PSMD2: variants seen among roughly 807,000 people sequenced by gnomAD.
PSMD2 encodes the protein proteasome 26S subunit ubiquitin receptor, non-ATPase 2.
PSMD2 carries 8 observed loss-of-function variants against 101.5 expected under a neutral mutation model. The observed-to-expected ratio is 0.08, with a 90% confidence interval of 0.05 to 0.14. The LOEUF is 0.14. PSMD2 is among the 10% of genes least tolerant of loss of function. The pLI is 1.00. For synonymous variants in PSMD2, 418 were observed against 433.8 expected (o/e 0.96, Z 0.45); for missense variants, 784 against 1,147.4 (o/e 0.68, Z 4.58).
rs1318234873 is a variant in PSMD2 at position 184,306,852 on chromosome 3, A to C, written c.2034+18A>C. On this transcript the variant is annotated intron_variant, in intron 16 of 20. Coordinates refer to ENST00000310118, the MANE Select transcript of PSMD2 (RefSeq NM_002808.5). ...GCCACTTGGTGAGTATAGCATGAAG[A>C]AAATTGGAATATACTGGTTTTGATG... 21 of 1,604,366 alleles carry C rather than the reference A, an allele frequency of 1.3e-5. No homozygotes were observed. Among genetic ancestry groups the C allele is most frequent in the Non-Finnish European group, 1.8e-5 (21 of 1,173,842 alleles).
In PSMD2 at chr3:184,301,940, C is replaced by G; in HGVS notation, c.573C>G (p.Ile191Met). 1 of 1,614,194 alleles carries G rather than the reference C, an allele frequency of 6.2e-7. No individual in the cohort carries two copies. Among genetic ancestry groups the G allele is most frequent in the Middle Eastern group, 1.6e-4 (1 of 6,062 alleles). ...CTCTGCTCACTCTGGTGAAGGAAAT[C>G]GTCCCCTATAACATGGCCCACAATG... ...REPLLTLVKE[I>M]VPYNMAHNAE... The change falls in exon 5 of 21, where the codon ATC (isoleucine) becomes ATG (methionine). Residue 191 changes from isoleucine to methionine, a missense_variant. Around this residue, in one of 6 missense-constraint regions of PSMD2, gnomAD observed 208 missense variants for 301.6 expected, o/e 0.69. Transcript: ENST00000310118.
rs145636508 is a variant in PSMD2, at chr3:184,302,046, G to A, written c.679G>A (p.Ala227Thr). ...GAAGGACATTGATGAAAATGCATATGCAAAGGTCTGCCTTTATCTCACCAG... is the reference window on the plus strand; with the variant it reads ...GAAGGACATTGATGAAAATGCATATACAAAGGTCTGCCTTTATCTCACCAG... The part of the protein sequence containing the change: ...LEKDIDENAY[A>T]KVCLYLTSCV... Residue 227 changes from alanine (A) to threonine (T), a missense_variant, in exon 5 of 21, where the codon GCA (alanine) becomes ACA (threonine). Ala to Thr is a moderately conservative substitution (Grantham distance 58). Around this residue, in one of 6 missense-constraint regions of PSMD2, gnomAD observed 208 missense variants for 301.6 expected, o/e 0.69. Transcript: ENST00000310118. The A allele has an allele frequency of 7.2e-5, 117 of 1,614,160 alleles. No homozygotes were observed. The East Asian group carries it at 2.3e-3, about 32-fold the overall frequency.
In PSMD2 at chr3:184,308,004, G is replaced by A; in HGVS notation, c.2413G>A (p.Asp805Asn). The A allele has an allele frequency of 6.2e-7, 1 of 1,613,980 alleles. No individual in the cohort carries two copies. The highest frequency in any genetic ancestry group is 8.5e-7 in the Non-Finnish European group (1 of 1,180,024). Reference sequence around the variant, plus strand: ...GCTCACTGTGCTTGTCTCTTTCCTGGATGTTCGAAACAGTGAGTTCCTGTC... The same window carrying A: ...GCTCACTGTGCTTGTCTCTTTCCTGAATGTTCGAAACAGTGAGTTCCTGTC... ...GLLTVLVSFL[D>N]VRNIILGKSH... Residue 805 changes from aspartate to asparagine, a missense_variant, in exon 19 of 21, where the codon GAT (aspartate) becomes AAT (asparagine). Asp to Asn is a conservative substitution (Grantham distance 23). Around this residue, in one of 6 missense-constraint regions of PSMD2, gnomAD observed 282 missense variants for 437.6 expected, o/e 0.64. Coordinates refer to ENST00000310118, the MANE Select transcript of PSMD2 (RefSeq NM_002808.5). The surrounding 1 kb of genome is among the most constrained non-coding windows in gnomAD (Gnocchi z 6.0).
intron 1 of PSMD2, 80 bp downstream of exon 1, chr3:184,299,481 C>G (rs1008905999): frequency 7.7e-7 from 1 of 1,303,786 alleles, no homozygotes; most frequent in Admixed American, 3.8e-5. Flanking sequence ...GGCCCGACAC[C>G]CAACTACCCC....
Position 184,305,804 on chromosome 3 carries a change from G to C in PSMD2, c.1576G>C (p.Ala526Pro). The change falls in exon 13 of 21, where the codon GCA becomes CCA. Residue 526 changes from alanine (A) to proline (P), a missense_variant. Coordinates refer to ENST00000310118, the MANE Select transcript of PSMD2 (RefSeq NM_002808.5). ...CACAGCTTTAGCCTGTGGAATGATA[G>C]CAGTAGGGTCCTGCAATGGAGATGT... ...GVTALACGMIAVGSCNGDVTS... is the reference protein window; with the variant it reads ...GVTALACGMIPVGSCNGDVTS... The C allele has an allele frequency of 6.2e-7, 1 of 1,614,134 alleles. No individual in the cohort carries two copies. Among genetic ancestry groups the C allele is most frequent in the Non-Finnish European group, 8.5e-7 (1 of 1,180,042 alleles).
Position 184,308,631 on chromosome 3 carries a change from T to G in PSMD2, c.2544+64T>G. ...CTCAAACTGGAGAATGTACATATACTTGCTTTGCTGAAACTGGCGTGGGCG... is the reference window on the plus strand; with the variant it reads ...CTCAAACTGGAGAATGTACATATACGTGCTTTGCTGAAACTGGCGTGGGCG... On this transcript the variant is annotated intron_variant, in intron 20 of 20. Coordinates refer to ENST00000310118, the MANE Select transcript of PSMD2 (RefSeq NM_002808.5). This position sits in a 1 kb window ranked among gnomAD's most constrained non-coding sequence, Gnocchi z 6.0. 1 of 1,586,590 alleles carries G rather than the reference T, an allele frequency of 6.3e-7. No homozygotes were observed. The highest frequency in any genetic ancestry group is 2.2e-5 in the East Asian group (1 of 44,554).
rs1016995532 is a variant in PSMD2 at position 184,302,172 on chromosome 3, G to A, written c.704+101G>A. On this transcript the variant is annotated intron_variant, in intron 5 of 20. Transcript: ENST00000310118. ...TTCCCAGAGCATTTGCTCAAGCATA[G>A]CATCACGCTGTAGTTAATCTTTTGA... 3.0e-6 allele frequency: 4 copies of A among 1,319,736 alleles called. No homozygotes were observed. The African/African-American group carries it at 5.8e-5, about 19-fold the overall frequency. The allele number at this position is 1,319,736 out of a possible 1,614,324, so 81.8% of individuals were successfully genotyped here.
chr3:184,302,745 T>C lies in PSMD2; in HGVS notation c.930T>C (p.Asp310=), dbSNP rs114948574. The C allele has an allele frequency of 2.5e-6, 4 of 1,614,130 alleles. No homozygotes were observed. The highest frequency in any genetic ancestry group is 1.3e-5 in the African/African-American group (1 of 75,032). The stretch of plus-strand genomic sequence containing the variant: ...GGGTGTTCCTGGAGCTGAGTGAAGA[T>C]GTCGAGGAGTATGAGGACCTGACAG... The part of the protein sequence containing the change: ...RHGVFLELSE[D]VEEYEDLTEI... The change falls in exon 7 of 21, where the codon GAT becomes GAC. Residue 310 remains aspartate (D), a synonymous_variant. Transcript: ENST00000310118.
intron 12 of PSMD2, among the ~76,000 whole-genome samples, chr3:184,305,208 G>A (rs1210236678): frequency 6.6e-6 from 1 of 152,074 alleles, no homozygotes; most frequent in African/African-American, 2.4e-5. Context: ...CCATAAAAGG[G>A]GATAACAGCC....
rs201882149 is a variant in PSMD2, at chr3:184,302,489, T to C, written c.824T>C (p.Met275Thr). Residue 275 changes from methionine (M) to threonine (T), a missense_variant, in exon 6 of 21, where the codon ATG (methionine) becomes ACG (threonine). This residue lies in a region of PSMD2 where 208 missense variants were observed against 301.6 expected (regional missense o/e 0.69). Coordinates refer to ENST00000310118, the MANE Select transcript of PSMD2 (RefSeq NM_002808.5). ...ALRLALMLND[M>T]ELVEDIFTSC... is the part of the protein sequence containing the mutation. ...AGATTGGCATTGATGCTCAATGACA[T>C]GGAGTTGGTAGAAGACATCTTCACC... is the stretch of plus-strand genomic sequence containing the variant. 40 of 1,614,126 alleles carry C rather than the reference T, an allele frequency of 2.5e-5. No homozygotes were observed. Among genetic ancestry groups the C allele is most frequent in the Non-Finnish European group, 3.2e-5 (38 of 1,180,034 alleles).
chr3:184,303,871 A>C, intron 10 of PSMD2, 76 bp from the exon 11 acceptor site: 1 of 1,609,396 alleles, frequency 6.2e-7, no homozygotes, highest in Admixed American at 1.7e-5. Context: ...AGGGTGCTGC[A>C]GTGAGGCCCA....
chr3:184,306,360 T>C lies in PSMD2; in HGVS notation c.1815T>C (p.Asn605=), dbSNP rs1384938692. Residue 605 remains asparagine, a synonymous_variant, in exon 15 of 21, where the codon AAT becomes AAC. Transcript: ENST00000310118. ...ACCACCCTGACGCAGGCTCTGGGAA[T>C]GTGCTGAAGGTGCAGCAGCTGCTCC... is the stretch of plus-strand genomic sequence containing the variant. ...VDVCAYAGSG[N]VLKVQQLLHI... is the part of the protein sequence containing the mutation. The C allele has an allele frequency of 6.2e-7, 1 of 1,614,000 alleles. No individual in the cohort carries two copies. Among genetic ancestry groups the C allele is most frequent in the Non-Finnish European group, 8.5e-7 (1 of 1,179,954 alleles).
At chr3:184,299,441 G>A in intron 1 of PSMD2, 40 bp downstream of exon 1, 1 of 1,325,720 alleles carries the variant, frequency 7.5e-7, no homozygotes. Context: ...GAGGCTGCGG[G>A]GCTGAGTCAC....
Position 184,308,678 on chromosome 3 carries a change from ATC to A in PSMD2, c.2545-24_2545-23del. On this transcript the variant is annotated intron_variant, in intron 20 of 20. Coordinates refer to ENST00000310118, the MANE Select transcript of PSMD2 (RefSeq NM_002808.5). This position sits in a 1 kb window ranked among gnomAD's most constrained non-coding sequence, Gnocchi z 6.0. The stretch of plus-strand genomic sequence containing the variant: ...GGCGGTGGCTTGTCGCTACTTTTCC[ATC>A]TCTCTTTTCAATTTTCTTACCCTAC... 3 of 1,600,094 alleles carry A rather than the reference ATC, an allele frequency of 1.9e-6. No homozygotes were observed. Among genetic ancestry groups the A allele is most frequent in the Non-Finnish European group, 2.6e-6 (3 of 1,169,050 alleles).
chr3:184,305,563 G>A (rs1721804071), intron 12 of PSMD2, among the ~76,000 whole-genome samples: 1 of 151,564 alleles, frequency 6.6e-6, no homozygotes, highest in Admixed American at 6.6e-5. Flanking sequence ...AGGGTTAAAT[G>A]TCAATAGTAT....
At chr3:184,303,194 T>G in intron 8 of PSMD2, 126 bp from the exon 9 acceptor site, 1 of 1,491,044 alleles carries the variant, frequency 6.7e-7, no homozygotes, top group Non-Finnish European at 9.3e-7. Flanking sequence ...GGTCACTGCT[T>G]GGGGGGGTAT....
chr3:184,306,544 G>A (rs747159846), intron 15 of PSMD2, 49 bp downstream of exon 15: 1 of 1,581,592 alleles, frequency 6.3e-7, no homozygotes, highest in Non-Finnish European at 8.6e-7. Flanking sequence ...GAAGAGATAA[G>A]CATATAGGGG....
At position 184,308,992 on chromosome 3, in the gene PSMD2, C is replaced by T. The variant is rs1225829837; in HGVS notation, c.*102C>T. The T allele has an allele frequency of 1.6e-6, 2 of 1,233,320 alleles. No homozygotes were observed. The highest frequency in any genetic ancestry group is 2.3e-6 in the Non-Finnish European group (2 of 878,362). The allele number at this position is 1,233,320 out of a possible 1,614,324, so 76.4% of individuals were successfully genotyped here. A position where few individuals can be genotyped will look rare whatever the true frequency, so the allele number is the denominator to read the frequency against. ...TGCAGACTTCTGGGGGAATTGTCGC[C>T]TCCTGCTCTTTTGTTACTGAGTGAG... On this transcript the variant is annotated 3_prime_UTR_variant, in exon 21 of 21. Transcript: ENST00000310118. The surrounding 1 kb of genome is among the most constrained non-coding windows in gnomAD (Gnocchi z 6.0).
chr3:184,306,008 C>G, intron 13 of PSMD2, 46 bp from the exon 14 acceptor site: 1 of 1,613,390 alleles, frequency 6.2e-7, no homozygotes, highest in Non-Finnish European at 8.5e-7. Context: ...TCAGGCTGTG[C>G]TGGATGGAGG....
Sources: gnomAD v4.1 joint callset for allele counts (sites outside exome capture counted in the v4.1 genomes callset) on GRCh38, gnomAD v4.1.1 for gene constraint, gnomAD v4.1.1 regional missense constraint, Gnocchi (gnomAD v3.1) non-coding constraint, MANE v1.5 for transcripts, NCBI Gene and HGNC (gene_info 2026-07-23, HGNC 2026-07-21) for gene names.